The following UBE2E1 variants were observed in gnomAD, a reference collection of about 807,000 sequenced individuals.
The protein encoded by UBE2E1 is ubiquitin conjugating enzyme E2 E1.
UBE2E1 carries 6 observed loss-of-function variants against 21.4 expected under a neutral mutation model. The ratio of observed to expected loss-of-function variants is 0.28; its 90% CI spans 0.15 to 0.55. UBE2E1 has a LOEUF of 0.55. Among genes scored for constraint, UBE2E1 ranks in the 20% least tolerant of loss-of-function variants. The pLI is 0.93. For missense variants in UBE2E1, 142 were observed against 236.5 expected (o/e 0.60, Z 2.62); for synonymous variants, 87 against 82.7 (o/e 1.05, Z -0.28).
intron 3 of UBE2E1, among the ~76,000 whole-genome samples, chr3:23,855,747 G>A (rs982443525): frequency 1.7e-4 from 26 of 152,046 alleles, no homozygotes; most frequent in African/African-American, 6.0e-4. Context: ...GGAGAATGGC[G>A]TGAACCCGGG....
chr3:23,856,739 T>G (rs2125310923), intron 3 of UBE2E1, among the ~76,000 whole-genome samples: 2 of 152,022 alleles, frequency 1.3e-5, no homozygotes, highest in South Asian at 4.2e-4. Flanking sequence ...TTTAGAAAAG[T>G]GAGAGGGGAG....
intron 3 of UBE2E1, among the ~76,000 whole-genome samples, chr3:23,821,678 GT>G (rs1303363809): frequency 1.3e-5 from 2 of 152,142 alleles, no homozygotes; most frequent in Non-Finnish European, 2.9e-5. Context: ...ATGACTCCAA[GT>G]TTCTGTGTTT....
At chr3:23,859,380 C>G (rs1158375843) in intron 3 of UBE2E1, among the ~76,000 whole-genome samples, 1 of 152,200 alleles carries the variant, frequency 6.6e-6, no homozygotes, top group African/African-American at 2.4e-5. Context: ...ACACTGCTAC[C>G]TCCTCACTTC....
intron 3 of UBE2E1, among the ~76,000 whole-genome samples, chr3:23,864,222 A>G (rs1441816629): frequency 6.6e-6 from 1 of 152,032 alleles, no homozygotes; most frequent in Non-Finnish European, 1.5e-5. Flanking sequence ...TGAAATCTGA[A>G]GCCCGCTGAT....
At chr3:23,885,403 A>G (rs911616004) in intron 3 of UBE2E1, among the ~76,000 whole-genome samples, 1 of 152,206 alleles carries the variant, frequency 6.6e-6, no homozygotes, top group Non-Finnish European at 1.5e-5. Flanking sequence ...CAATAATGGT[A>G]ATATCATTTC....
chr3:23,876,908 G>A lies in UBE2E1; in HGVS notation c.204-10659G>A, dbSNP rs1188002673. ...AAAATTTAAAAATTAGCCAGGTGTGGTGATGCACGCCTGTAATCCTAGCAA... is the reference window on the plus strand; with the variant it reads ...AAAATTTAAAAATTAGCCAGGTGTGATGATGCACGCCTGTAATCCTAGCAA... On this transcript the variant is annotated intron_variant, in intron 3 of 5. Transcript: ENST00000306627. This position sits in a 1 kb window ranked among gnomAD's most constrained non-coding sequence, Gnocchi z 4.3. Among the ~76,000 whole-genome samples, 1 of 152,162 alleles carries A rather than the reference G, an allele frequency of 6.6e-6. No individual in the cohort carries two copies. Among genetic ancestry groups the A allele is most frequent in the Non-Finnish European group, 1.5e-5 (1 of 68,036 alleles).
At chr3:23,871,073 A>T (rs1443228187) in intron 3 of UBE2E1, among the ~76,000 whole-genome samples, 1 of 151,740 alleles carries the variant, frequency 6.6e-6, no homozygotes, top group Admixed American at 6.5e-5. Context: ...TCCCATGTCT[A>T]CCTCTTTCTA....
rs570208782 is a variant in UBE2E1, at chr3:23,827,968, C to T, written c.203+16458C>T. Among the ~76,000 whole-genome samples, 3 of 152,134 alleles carry T rather than the reference C, an allele frequency of 2.0e-5. No individual in the cohort carries two copies. In the South Asian group the frequency reaches 6.2e-4, roughly 32 times the overall value. ...ATGCCCCCTAGGATGTTCTCTCTCCCAGCTTCTTTGCTTTTTATTTTTCAA... is the reference window on the plus strand; with the variant it reads ...ATGCCCCCTAGGATGTTCTCTCTCCTAGCTTCTTTGCTTTTTATTTTTCAA... On this transcript the variant is annotated intron_variant, in intron 3 of 5. Coordinates refer to ENST00000306627, the MANE Select transcript of UBE2E1 (RefSeq NM_003341.5).
chr3:23,841,126 T>C (rs1243945027), intron 3 of UBE2E1, among the ~76,000 whole-genome samples: 2 of 152,206 alleles, frequency 1.3e-5, no homozygotes, highest in Admixed American at 1.3e-4. Context: ...TATTTACTTT[T>C]AGAGATGCGG....
intron 3 of UBE2E1, among the ~76,000 whole-genome samples, chr3:23,837,163 C>T (rs573229735): frequency 6.6e-6 from 1 of 152,204 alleles, no homozygotes; most frequent in African/African-American, 2.4e-5. Flanking sequence ...GCACTTGGAA[C>T]AGTGCCTGGC....
intron 4 of UBE2E1, among the ~76,000 whole-genome samples, chr3:23,888,906 C>CAA (rs1488465385): frequency 6.6e-6 from 1 of 152,200 alleles, no homozygotes; most frequent in African/African-American, 2.4e-5. Flanking sequence ...ACTGAACTTA[C>CAA]CGTCAGTGGA....
chr3:23,875,930 G>A (rs1175441790), intron 3 of UBE2E1, among the ~76,000 whole-genome samples: 7 of 152,140 alleles, frequency 4.6e-5, no homozygotes, highest in African/African-American at 1.7e-4. Context: ...TCGCCACCAC[G>A]CCCAGCTAAT....
intron 3 of UBE2E1, among the ~76,000 whole-genome samples, chr3:23,865,170 C>G (rs79383482): frequency 6.6e-6 from 1 of 152,178 alleles, no homozygotes; most frequent in Non-Finnish European, 1.5e-5. Flanking sequence ...GGCCTGTGTC[C>G]TCATCTGTAG....
At chr3:23,884,113 T>C (rs1315334624) in intron 3 of UBE2E1, among the ~76,000 whole-genome samples, 3 of 152,132 alleles carry the variant, frequency 2.0e-5, no homozygotes, top group Non-Finnish European at 4.4e-5. Context: ...TCTCCAGTTT[T>C]GAAGTTTAAT....
chr3:23,830,658 A>C (rs1052129853), intron 3 of UBE2E1, among the ~76,000 whole-genome samples: 7 of 151,510 alleles, frequency 4.6e-5, no homozygotes, highest in African/African-American at 1.7e-4. Flanking sequence ...TTACCTTATT[A>C]CTCTTCTTGA....
At chr3:23,837,298 G>A (rs1169066164) in intron 3 of UBE2E1, among the ~76,000 whole-genome samples, 2 of 152,162 alleles carry the variant, frequency 1.3e-5, no homozygotes, top group Non-Finnish European at 2.9e-5. Flanking sequence ...TAGAAAGTTT[G>A]GGAGCCAGAA....
At chr3:23,859,939 A>C (rs1230609254) in intron 3 of UBE2E1, among the ~76,000 whole-genome samples, 1 of 152,216 alleles carries the variant, frequency 6.6e-6, no homozygotes, top group Non-Finnish European at 1.5e-5. Context: ...TCATTGTTTC[A>C]TGCCTAACAG....
intron 3 of UBE2E1, among the ~76,000 whole-genome samples, chr3:23,856,309 T>C (rs1423740911): frequency 6.6e-6 from 1 of 152,204 alleles, no homozygotes; most frequent in Non-Finnish European, 1.5e-5. Context: ...ATTACAGGCA[T>C]GAGCCCAGCT....
intron 3 of UBE2E1, among the ~76,000 whole-genome samples, chr3:23,834,867 A>G (rs1292779189): frequency 6.6e-6 from 1 of 152,270 alleles, no homozygotes; most frequent in African/African-American, 2.4e-5. Flanking sequence ...ATGTAATGAA[A>G]GAAATCACTT....
Sources: allele counts gnomAD v4.1 joint callset (sites outside exome capture counted in the v4.1 genomes callset), GRCh38; gene constraint gnomAD v4.1.1; non-coding constraint Gnocchi (gnomAD v3.1); transcripts MANE v1.5; gene names NCBI Gene and HGNC (gene_info 2026-07-23, HGNC 2026-07-21).